The following PIEZO2 variants were observed in gnomAD, a reference collection of about 807,000 sequenced individuals.
PIEZO2 encodes piezo type mechanosensitive ion channel component 2, also known as piezo-type mechanosensitive ion channel component 2.
In PIEZO2, 172 loss-of-function variants were observed where a neutral mutation model predicts 337.3. The ratio of observed to expected loss-of-function variants is 0.51; its 90% confidence interval spans 0.45 to 0.58. The LOEUF is 0.58. PIEZO2 is among the 20% of genes least tolerant of loss of function. The probability of loss-of-function intolerance (pLI) is 0.00; values close to 1 mark genes in which losing one functional copy is unlikely to be tolerated. For missense variants in PIEZO2, 3,028 were observed against 3,391.3 expected, an observed-to-expected ratio of 0.89 and a Z score of 2.66; for synonymous variants, 1,251 against 1,228.5, an observed-to-expected ratio of 1.02 and a Z score of -0.38.
rs1598392778 is a variant in PIEZO2, at chr18:10,716,239, A to T, written c.5090-423T>A. ...CCTCTGCCACCCCTAATACAGAAAA[A>T]CCAACCCCTCTTCTTCCTCCTCCTC... On this transcript the variant is annotated intron_variant, in intron 37 of 55. Coordinates refer to ENST00000674853, the MANE Select transcript of PIEZO2 (RefSeq NM_001378183.1). The surrounding 1 kb of genome is among the most constrained non-coding windows in gnomAD (Gnocchi z 4.1). Among the ~76,000 whole-genome samples, 1 of 151,914 alleles carries T rather than the reference A, an allele frequency of 6.6e-6. No individual in the cohort carries two copies. The highest frequency in any genetic ancestry group is 2.4e-5 in the African/African-American group (1 of 41,326).
rs1555669500 is a variant in PIEZO2 at position 10,886,343 on chromosome 18, T to TAC, written c.330-14930_330-14929dup. Among the ~76,000 whole-genome samples the TAC allele has an allele frequency of 1.7e-3, 41 of 23,702 alleles. 8 individuals are homozygous for TAC. The highest frequency in any genetic ancestry group is 8.1e-3 in the African/African-American group (26 of 3,212). 15.5% of individuals were successfully genotyped at this position (23,702 alleles called of 152,430 possible). On this transcript the variant is annotated intron_variant, in intron 4 of 55. Transcript: ENST00000674853. ...ACATACATATATATATATATATATA[T>TAC]ACACACACACACACACACATATATA...
At chr18:10,737,222 A>G (rs1174334175) in intron 33 of PIEZO2, among the ~76,000 whole-genome samples, 1 of 150,764 alleles carries the variant, frequency 6.6e-6, no homozygotes, top group African/African-American at 2.5e-5. Context: ...TTCACTTTAC[A>G]CTGTGCAGAC....
chr18:11,119,820 T>C (rs2039984601), intron 1 of PIEZO2, among the ~76,000 whole-genome samples: 2 of 152,174 alleles, frequency 1.3e-5, no homozygotes, highest in African/African-American at 2.4e-5. Flanking sequence ...TTAAAATGCA[T>C]TAAACTATTA....
chr18:10,916,149 G>A lies in PIEZO2; in HGVS notation c.287-4921C>T, dbSNP rs183286790. ...TTACAAACCTTGAGCTAGACACTGT[G>A]CTGATTGGTGCATATACAGTCCTCC... On this transcript the variant is annotated intron_variant, in intron 3 of 55. Coordinates refer to ENST00000674853, the MANE Select transcript of PIEZO2 (RefSeq NM_001378183.1). 1.3e-4 allele frequency among the ~76,000 whole-genome samples: 20 copies of A among 152,286 alleles called. 1 individual carries two copies. Among genetic ancestry groups the A allele is most frequent in the Admixed American group, 1.2e-3 (18 of 15,300 alleles).
chr18:10,989,929 A>G (rs766364680), intron 2 of PIEZO2, among the ~76,000 whole-genome samples: 3 of 152,176 alleles, frequency 2.0e-5, no homozygotes, highest in African/African-American at 7.2e-5. Flanking sequence ...CGACCCAGTC[A>G]TCACATTCCT....
chr18:10,871,158 C>G (rs924932867), intron 5 of PIEZO2, 95 bp downstream of exon 5: 10 of 1,260,068 alleles, frequency 7.9e-6, no homozygotes, highest in Non-Finnish European at 9.7e-6. Context: ...ATAACGTGCT[C>G]TGTATGCTCA....
In PIEZO2 at chr18:10,767,566, C is replaced by T. The variant is rs964266364; in HGVS notation, c.2946+2582G>A. On this transcript the variant is annotated intron_variant, in intron 21 of 55. Coordinates refer to ENST00000674853, the MANE Select transcript of PIEZO2 (RefSeq NM_001378183.1). This position sits in a 1 kb window ranked among gnomAD's most constrained non-coding sequence, Gnocchi z 4.2. ...CAGCCCGAGTGAGGAGCTAATGACTCGGAGCCCGATGCGTGAACCCTGGAG... is the reference window on the plus strand; with the variant it reads ...CAGCCCGAGTGAGGAGCTAATGACTTGGAGCCCGATGCGTGAACCCTGGAG... Among the ~76,000 whole-genome samples the T allele has an allele frequency of 1.3e-5, 2 of 152,130 alleles. No individual in the cohort carries two copies. Among genetic ancestry groups the T allele is most frequent in the Non-Finnish European group, 1.5e-5 (1 of 68,022 alleles).
chr18:10,930,037 T>G (rs996119166), intron 3 of PIEZO2, among the ~76,000 whole-genome samples: 1 of 152,192 alleles, frequency 6.6e-6, no homozygotes, highest in Admixed American at 6.5e-5. Flanking sequence ...TTTGTGGCAA[T>G]AAGATACCAA....
Position 11,132,469 on chromosome 18 carries a change from G to A in PIEZO2, c.64+16056C>T, listed in dbSNP as rs1295321925. Among the ~76,000 whole-genome samples, 1 of 152,126 alleles carries A rather than the reference G, an allele frequency of 6.6e-6. No homozygotes were observed. Among genetic ancestry groups the A allele is most frequent in the Non-Finnish European group, 1.5e-5 (1 of 68,010 alleles). On this transcript the variant is annotated intron_variant, in intron 1 of 55. Transcript: ENST00000674853. This position sits in a 1 kb window ranked among gnomAD's most constrained non-coding sequence, Gnocchi z 4.7. Reference sequence around the variant, plus strand: ...AGGGCTGGGGCAAAGTTCTCCAGAAGGCCGTGTATGCTCTGAATCAACATC... The same window carrying A: ...AGGGCTGGGGCAAAGTTCTCCAGAAAGCCGTGTATGCTCTGAATCAACATC...
intron 18 of PIEZO2, among the ~76,000 whole-genome samples, chr18:10,779,278 G>A (rs2038896724): frequency 6.6e-6 from 1 of 152,140 alleles, no homozygotes; most frequent in African/African-American, 2.4e-5. Context: ...CAAATCTTTT[G>A]AAGAATTATT....
rs571592902 is a variant in PIEZO2, at chr18:10,950,106, G to T, written c.286+29429C>A. On this transcript the variant is annotated intron_variant, in intron 3 of 55. Coordinates refer to ENST00000674853, the MANE Select transcript of PIEZO2 (RefSeq NM_001378183.1). The stretch of plus-strand genomic sequence containing the variant: ...TTTGGTAAGAGTTTCTAAAAATGTT[G>T]GCAGTACCCTATATATTTTAATGAG... Among the ~76,000 whole-genome samples, 9 of 152,250 alleles carry T rather than the reference G, an allele frequency of 5.9e-5. No individual in the cohort carries two copies. In the East Asian group the frequency reaches 1.5e-3, roughly 26 times the overall value.
At chr18:11,023,132 T>C (rs1160696131) in intron 2 of PIEZO2, among the ~76,000 whole-genome samples, 1 of 152,134 alleles carries the variant, frequency 6.6e-6, no homozygotes, top group Non-Finnish European at 1.5e-5. Context: ...CAAGATTTAC[T>C]GCAAAGAGTG....
rs1197918823 is a variant in PIEZO2 at position 10,767,898 on chromosome 18, G to T, written c.2946+2250C>A. Among the ~76,000 whole-genome samples, 2 of 152,188 alleles carry T rather than the reference G, an allele frequency of 1.3e-5. No homozygotes were observed. The highest frequency in any genetic ancestry group is 4.8e-5 in the African/African-American group (2 of 41,452). On this transcript the variant is annotated intron_variant, in intron 21 of 55. Coordinates refer to ENST00000674853, the MANE Select transcript of PIEZO2 (RefSeq NM_001378183.1). This position sits in a 1 kb window ranked among gnomAD's most constrained non-coding sequence, Gnocchi z 4.2. ...CCGTGGAGCCTCCAGGAGGGCAAGGGCAGGTTTACCCGCCAGTTGCCAGCC... is the reference window on the plus strand; with the variant it reads ...CCGTGGAGCCTCCAGGAGGGCAAGGTCAGGTTTACCCGCCAGTTGCCAGCC...
In PIEZO2 at chr18:10,705,488, G is replaced by A. The variant is rs1489829809; in HGVS notation, c.5847C>T (p.Ser1949=). 6.5e-7 allele frequency: 1 copy of A among 1,537,284 alleles called. No individual in the cohort carries two copies. The highest frequency in any genetic ancestry group is 2.4e-5 in the East Asian group (1 of 40,904). The change falls in exon 41 of 56, where the codon AGC becomes AGT. Residue 1949 remains serine (S), a synonymous_variant. Transcript: ENST00000674853. ...GCGAGCCGAAGGACAGATGCTCGAA[G>A]CTCACAGCCTTGCTGTAGGAGGGTG... ...EAPPSYSKAV[S]FEHLSFGSQD... is the part of the protein sequence containing the mutation.
At chr18:10,757,320 G>A (rs368227491) in intron 27 of PIEZO2, among the ~76,000 whole-genome samples, 1 of 150,378 alleles carries the variant, frequency 6.6e-6, no homozygotes, top group South Asian at 2.1e-4. Context: ...TTAAGGATGA[G>A]TGGGAGGGAT....
intron 33 of PIEZO2, chr18:10,739,236 A>C (rs1403595735): frequency 3.3e-5 from 5 of 152,236 alleles, no homozygotes; most frequent in Non-Finnish European, 7.3e-5. Flanking sequence ...ATGATTCCAA[A>C]CTATGAATTA....
chr18:11,108,261 C>T (rs950620989), intron 1 of PIEZO2, among the ~76,000 whole-genome samples: 11 of 152,058 alleles, frequency 7.2e-5, no homozygotes, highest in Non-Finnish European at 1.3e-4. Flanking sequence ...GAATCTTAGA[C>T]GGGAAAGATC....
Position 11,012,070 on chromosome 18 carries a change from CG to C in PIEZO2, c.161-32411del, listed in dbSNP as rs1163122362. Reference sequence around the variant, plus strand: ...TTATTGTCTTATCCCTTTGCAAAAGCGAAAAAAAAAGTTTTAGGGGAGAATT... The same window carrying C: ...TTATTGTCTTATCCCTTTGCAAAAGCAAAAAAAAAGTTTTAGGGGAGAATT... On this transcript the variant is annotated intron_variant, in intron 2 of 55. Transcript: ENST00000674853. 9.8e-5 allele frequency among the ~76,000 whole-genome samples: 14 copies of C among 142,626 alleles called. 1 individual carries two copies. Among genetic ancestry groups the C allele is most frequent in the Non-Finnish European group, 1.7e-4 (11 of 65,612 alleles). The allele number at this position is 142,626 out of a possible 152,430, so 93.6% of individuals were successfully genotyped here.
At position 10,910,593 on chromosome 18, in the gene PIEZO2, A is replaced by T. The variant is rs193270311; in HGVS notation, c.329+593T>A. On this transcript the variant is annotated intron_variant, in intron 4 of 55. Transcript: ENST00000674853. ...GTAAGTCCCTGTCTCAACAAAATTT[A>T]AAAAAAAAGAAAGAAAAAAAGAAAA... 1.0e-3 allele frequency among the ~76,000 whole-genome samples: 158 copies of T among 151,734 alleles called. 1 individual carries two copies. Among genetic ancestry groups the T allele is most frequent in the African/African-American group, 3.5e-3 (145 of 41,380 alleles).
Sources: allele counts gnomAD v4.1 joint callset (sites outside exome capture counted in the v4.1 genomes callset), GRCh38; gene constraint gnomAD v4.1.1; non-coding constraint Gnocchi (gnomAD v3.1); transcripts MANE v1.5; gene names NCBI Gene and HGNC (gene_info 2026-07-23, HGNC 2026-07-21).